Variants in MAG observed in about 807,000 individuals in gnomAD.
The protein encoded by MAG is myelin associated glycoprotein, also known as myelin-associated glycoprotein.
MAG carries 30 observed loss-of-function variants against 60.7 expected under a neutral mutation model. The ratio of observed to expected loss-of-function variants is 0.49; its 90% CI spans 0.37 to 0.67. The LOEUF is 0.67. Ranked by LOEUF, MAG falls within the 30% of genes least tolerant of loss-of-function variation. MAG has a pLI of 0.00. For missense variants in MAG, 795 were observed against 851.7 expected (o/e 0.93, Z 0.83); for synonymous variants, 384 against 376.8 (o/e 1.02, Z -0.22).
intron 4 of MAG, 72 bp from the exon 5 acceptor site, chr19:35,299,482 G>A: frequency 9.4e-7 from 1 of 1,063,544 alleles, no homozygotes; most frequent in Non-Finnish European, 1.4e-6. Context: ...CAAGGAGGAG[G>A]GTGGGTGGGG....
chr19:35,294,448 G>T (rs962807863), intron 2 of MAG, among the ~76,000 whole-genome samples, 158 bp downstream of exon 2: 3 of 152,206 alleles, frequency 2.0e-5, no homozygotes, highest in African/African-American at 7.2e-5. Flanking sequence ...AGGACATGCA[G>T]CAAAGACTGC....
chr19:35,306,354 G>A (rs1295758883), intron 7 of MAG, among the ~76,000 whole-genome samples: 1 of 152,090 alleles, frequency 6.6e-6, no homozygotes, highest in Non-Finnish European at 1.5e-5. Flanking sequence ...TGCTGCTGAG[G>A]TTTTGCTCAT....
intron 4 of MAG, among the ~76,000 whole-genome samples, chr19:35,299,301 G>A (rs911710933): frequency 2.0e-5 from 3 of 152,204 alleles, no homozygotes; most frequent in Non-Finnish European, 2.9e-5. Context: ...GTTAAACGCC[G>A]TCAAGTGCTC....
At chr19:35,292,271 G>A (rs2066362132) in intron 1 of MAG, 67 bp downstream of exon 1, 1 of 455,922 alleles carries the variant, frequency 2.2e-6, no homozygotes, top group Non-Finnish European at 4.4e-6. Context: ...ACCCAGACGT[G>A]AGCAGGGTCA....
chr19:35,306,764 T>A (rs1159205762), intron 7 of MAG, among the ~76,000 whole-genome samples: 1 of 152,200 alleles, frequency 6.6e-6, no homozygotes, highest in Non-Finnish European at 1.5e-5. Flanking sequence ...ACAACACACT[T>A]GCGCGCCTAT....
rs1301010582 is a variant in MAG at position 35,293,681 on chromosome 19, C to T, written c.-79-554C>T. ...CCCACCCTGGGCCTTCCTGGCCCTGCTCAAAGGCCAGCCAGGAGTGCCTGA... is the reference window on the plus strand; with the variant it reads ...CCCACCCTGGGCCTTCCTGGCCCTGTTCAAAGGCCAGCCAGGAGTGCCTGA... On this transcript the variant is annotated intron_variant, in intron 1 of 10. Transcript: ENST00000392213. This position sits in a 1 kb window ranked among gnomAD's most constrained non-coding sequence, Gnocchi z 4.0. 1.3e-5 allele frequency among the ~76,000 whole-genome samples: 2 copies of T among 152,090 alleles called. No individual in the cohort carries two copies. Among genetic ancestry groups the T allele is most frequent in the Non-Finnish European group, 1.5e-5 (1 of 67,994 alleles).
rs2066457501 is a variant in MAG at position 35,302,673 on chromosome 19, G to A, written c.1196G>A (p.Gly399Asp). The change falls in exon 7 of 11, where the codon GGC becomes GAC. Residue 399 changes from glycine (G) to aspartate (D), a missense_variant. Gly to Asp is a moderately conservative substitution (Grantham distance 94, BLOSUM62 -1). Coordinates refer to ENST00000392213, the MANE Select transcript of MAG (RefSeq NM_002361.4). ...EYWCVAENQY[G>D]QRATAFNLSV... ...TGGTGTGTGGCTGAGAACCAGTATG[G>A]CCAGAGGGCCACCGCCTTCAACCTG... 6.2e-7 allele frequency: 1 copy of A among 1,614,026 alleles called. No homozygotes were observed. The highest frequency in any genetic ancestry group is 8.5e-7 in the Non-Finnish European group (1 of 1,180,032).
At position 35,313,703 on chromosome 19, in the gene MAG, G is replaced by T; in HGVS notation, c.*249G>T. ...CCTCATCTGTCTGGAGGGGAGCTCT[G>T]TCTGTCCGTGTTATTTATTGCTACT... On this transcript the variant is annotated 3_prime_UTR_variant, in exon 11 of 11. Transcript: ENST00000392213. 1 of 395,384 alleles carries T rather than the reference G, an allele frequency of 2.5e-6. No individual in the cohort carries two copies. Among genetic ancestry groups the T allele is most frequent in the Non-Finnish European group, 4.5e-6 (1 of 220,966 alleles). The allele number at this position is 395,384 out of a possible 1,614,324, so 24.5% of individuals were successfully genotyped here. A position where few individuals can be genotyped will look rare whatever the true frequency, so the allele number is the denominator to read the frequency against.
chr19:35,297,954 CACCAA>C (rs2066414486), intron 4 of MAG, among the ~76,000 whole-genome samples: 1 of 145,336 alleles, frequency 6.9e-6, no homozygotes, highest in Non-Finnish European at 1.5e-5. Context: ...ACACACACCA[CACCAA>C]ACACACACCA....
At position 35,299,727 on chromosome 19, in the gene MAG, G is replaced by A. The variant is rs2145611305; in HGVS notation, c.589G>A (p.Val197Met). The A allele has an allele frequency of 1.3e-6, 2 of 1,568,528 alleles. No individual in the cohort carries two copies. Among genetic ancestry groups the A allele is most frequent in the Non-Finnish European group, 1.7e-6 (2 of 1,158,620 alleles). The change falls in exon 5 of 11, where the codon GTG becomes ATG. Residue 197 changes from valine (V) to methionine (M), a missense_variant. By Grantham distance (21) the Val-to-Met change is conservative. Coordinates refer to ENST00000392213, the MANE Select transcript of MAG (RefSeq NM_002361.4). The part of the protein sequence containing the change: ...GRLREDEGTW[V>M]QVSLLHFVPT... Reference sequence around the variant, plus strand: ...GCTGCGGGAGGACGAGGGCACCTGGGTGCAGGTGTCACTGCTGCACTTCGT... The same window carrying A: ...GCTGCGGGAGGACGAGGGCACCTGGATGCAGGTGTCACTGCTGCACTTCGT...
At chr19:35,311,278 G>A (rs913923726) in intron 9 of MAG, among the ~76,000 whole-genome samples, 2 of 151,992 alleles carry the variant, frequency 1.3e-5, no homozygotes, top group African/African-American at 2.4e-5. Flanking sequence ...GGCCAGCCTG[G>A]GCAACATAGG....
rs754395124 is a variant in MAG at position 35,310,127 on chromosome 19, C to G, written c.1485C>G (p.Gly495=). The G allele has an allele frequency of 6.2e-7, 1 of 1,609,908 alleles. No homozygotes were observed. The highest frequency in any genetic ancestry group is 1.1e-5 in the South Asian group (1 of 90,942). Residue 495 remains glycine (G), a synonymous_variant, in exon 8 of 11, where the codon GGC becomes GGG. Transcript: ENST00000392213. ...TCTGCACCGCGAGGAACCTCTATGG[C>G]GCCAAGAGCCTGGAGCTGCCCTTCC... ...RVICTARNLY[G]AKSLELPFQG...
chr19:35,292,478 T>C (rs2066364017), intron 1 of MAG, among the ~76,000 whole-genome samples: 1 of 151,834 alleles, frequency 6.6e-6, no homozygotes, highest in Non-Finnish European at 1.5e-5. Context: ...CAGGAGAGGT[T>C]TCCTTGGGGT....
chr19:35,300,811 C>T (rs1289144890), intron 6 of MAG, among the ~76,000 whole-genome samples: 1 of 152,152 alleles, frequency 6.6e-6, no homozygotes, highest in Non-Finnish European at 1.5e-5. Context: ...CACCACTTGC[C>T]CTCAAACTCC....
At chr19:35,312,427 T>G in intron 10 of MAG, 25 of 1,095,388 alleles carry the variant, frequency 2.3e-5, no homozygotes, top group Non-Finnish European at 3.3e-5. Context: ...AGGTGGTCTC[T>G]GGTGATGTCC....
chr19:35,292,304 C>T (rs915204232), intron 1 of MAG, 100 bp downstream of exon 1: 4 of 454,030 alleles, frequency 8.8e-6, no homozygotes, highest in Admixed American at 4.7e-5. Context: ...GAGGGAGCAT[C>T]GCTGTGCACC....
chr19:35,302,508 C>G lies in MAG; in HGVS notation c.1031C>G (p.Ser344Cys), dbSNP rs754523838. The stretch of plus-strand genomic sequence containing the variant: ...GTGGCCGTAGAGGGGGAGACGGTCT[C>G]TATCTTGTGCTCCACACAGAGCAAC... ...TMVAVEGETV[S>C]ILCSTQSNPD... Residue 344 changes from serine (S) to cysteine (C), a missense_variant, in exon 7 of 11, where the codon TCT becomes TGT. Physicochemically the swap from Ser to Cys is moderately radical, Grantham distance 112. Transcript: ENST00000392213. 6.2e-7 allele frequency: 1 copy of G among 1,614,212 alleles called. No individual in the cohort carries two copies. Among genetic ancestry groups the G allele is most frequent in the Admixed American group, 1.7e-5 (1 of 60,018 alleles).
chr19:35,295,962 C>G lies in MAG; in HGVS notation c.396C>G (p.His132Gln), dbSNP rs1435649303. The stretch of plus-strand genomic sequence containing the variant: ...ACAACCAGTACACCTTCTCAGAGCA[C>G]AGCGTCCTGGATATCGTCAGTGAGT... ...GGYNQYTFSE[H>Q]SVLDIVNTPN... Residue 132 changes from histidine (H) to glutamine (Q), a missense_variant, in exon 4 of 11, where the codon CAC (histidine) becomes CAG (glutamine). By Grantham distance (24) the His-to-Gln change is conservative. Coordinates refer to ENST00000392213, the MANE Select transcript of MAG (RefSeq NM_002361.4). The surrounding 1 kb of genome is among the most constrained non-coding windows in gnomAD (Gnocchi z 5.8). 6.3e-7 allele frequency: 1 copy of G among 1,598,074 alleles called. No individual in the cohort carries two copies.
rs1186352704 is a variant in MAG, at chr19:35,295,924, G to T, written c.358G>T (p.Asp120Tyr). Reference sequence around the variant, plus strand: ...GGGCGGGAAGTACTACTTCCGTGGGGACCTGGGCGGCTACAACCAGTACAC... The same window carrying T: ...GGGCGGGAAGTACTACTTCCGTGGGTACCTGGGCGGCTACAACCAGTACAC... ...ELGGKYYFRG[D>Y]LGGYNQYTFS... is the part of the protein sequence containing the mutation. Residue 120 changes from aspartate (D) to tyrosine (Y), a missense_variant, in exon 4 of 11, where the codon GAC (aspartate) becomes TAC (tyrosine). Asp to Tyr is a radical substitution (Grantham distance 160). Transcript: ENST00000392213. The surrounding 1 kb of genome is among the most constrained non-coding windows in gnomAD (Gnocchi z 5.8). 6.2e-7 allele frequency: 1 copy of T among 1,613,462 alleles called. No homozygotes were observed.
Sources: allele counts gnomAD v4.1 joint callset (sites outside exome capture counted in the v4.1 genomes callset), GRCh38; gene constraint gnomAD v4.1.1; non-coding constraint Gnocchi (gnomAD v3.1); transcripts MANE v1.5; gene names NCBI Gene and HGNC (gene_info 2026-07-23, HGNC 2026-07-21).